ABHD1: variants seen among roughly 807,000 people sequenced by gnomAD.
ABHD1 encodes the protein protein ABHD1.
ABHD1 carries 47 observed loss-of-function variants against 41.4 expected under a neutral mutation model. The ratio of observed to expected loss-of-function variants is 1.13; its 90% CI spans 0.90 to 1.45. The LOEUF is 1.45. Ranked by LOEUF, ABHD1 falls within the 40% of genes most tolerant of loss-of-function variation. ABHD1 has a pLI of 0.00. For synonymous variants in ABHD1, 205 were observed against 203.7 expected, an observed-to-expected ratio of 1.01 and a Z score of -0.05; for missense variants, 550 against 503.4, an observed-to-expected ratio of 1.09 and a Z score of -0.89.
At chr2:27,128,277 AC>A in intron 1 of ABHD1, 163 bp from the exon 2 acceptor site, 3 of 807,590 alleles carry the variant, frequency 3.7e-6, no homozygotes, top group South Asian at 1.5e-5. Flanking sequence ...GTATTATCAG[AC>A]TTGGCCATTC....
Position 27,130,765 on chromosome 2 carries a change from T to G in ABHD1, c.*21T>G, listed in dbSNP as rs1479512323. The G allele has an allele frequency of 1.1e-5, 18 of 1,605,638 alleles. No individual in the cohort carries two copies. Among genetic ancestry groups the G allele is most frequent in the Non-Finnish European group, 1.5e-5 (18 of 1,172,504 alleles). Reference sequence around the variant, plus strand: ...GCTGACAAGAGTACCATTTGGGGTCTCAGTTCACTCTTTCCTTGTTTATTA... The same window carrying G: ...GCTGACAAGAGTACCATTTGGGGTCGCAGTTCACTCTTTCCTTGTTTATTA... On this transcript the variant is annotated 3_prime_UTR_variant, in exon 9 of 9. Coordinates refer to ENST00000316470, the MANE Select transcript of ABHD1 (RefSeq NM_032604.4).
At position 27,129,851 on chromosome 2, in the gene ABHD1, C is replaced by G. The variant is rs751757700; in HGVS notation, c.715C>G (p.Arg239Gly). 20 of 1,614,056 alleles carry G rather than the reference C, an allele frequency of 1.2e-5. No individual in the cohort carries two copies. The highest frequency in any genetic ancestry group is 1.6e-5 in the Non-Finnish European group (19 of 1,180,052). ...ATGCTGGGATTCCTTTGAGACCACT[C>G]GCTCCCTGGAAACCCCACTCAACTC... ...SACWDSFETT[R>G]SLETPLNSLL... The change falls in exon 6 of 9, where the codon CGC becomes GGC. Residue 239 changes from arginine to glycine, a missense_variant. Transcript: ENST00000316470.
chr2:27,126,351 A>T (rs1558472605), intron 1 of ABHD1: 1 of 152,260 alleles, frequency 6.6e-6, no homozygotes, highest in South Asian at 2.1e-4. Flanking sequence ...GTGCCTTCAC[A>T]CGACTGACAG....
chr2:27,128,324 A>C (rs1028388963), intron 1 of ABHD1, 117 bp from the exon 2 acceptor site: 1 of 1,254,888 alleles, frequency 8.0e-7, no homozygotes, highest in Non-Finnish European at 1.2e-6. Flanking sequence ...ATGCAGACAA[A>C]GCAGGGTCCT....
In ABHD1 at chr2:27,130,287, T is replaced by C; in HGVS notation, c.877T>C (p.Ser293Pro). The change falls in exon 8 of 9, where the codon TCT (serine) becomes CCT (proline). Residue 293 changes from serine to proline, a missense_variant. By Grantham distance (74) the Ser-to-Pro change is moderately conservative (BLOSUM62 -1). Transcript: ENST00000316470. ...TIRQFDERYT[S>P]VAFGYQDCVT... ...CCGCCAGTTTGATGAGCGCTACACATCTGTGGCCTTTGGATATCAAGACTG... is the reference window on the plus strand; with the variant it reads ...CCGCCAGTTTGATGAGCGCTACACACCTGTGGCCTTTGGATATCAAGACTG... 6.2e-7 allele frequency: 1 copy of C among 1,614,114 alleles called. No individual in the cohort carries two copies. The highest frequency in any genetic ancestry group is 1.1e-5 in the South Asian group (1 of 91,084).
intron 6 of ABHD1, 60 bp from the exon 7 acceptor site, chr2:27,130,045 G>A: frequency 1.2e-6 from 2 of 1,612,174 alleles, no homozygotes; most frequent in Non-Finnish European, 1.7e-6. Flanking sequence ...TAGTAAGACA[G>A]GGCCTGGGGG....
intron 8 of ABHD1, 50 bp from the exon 9 acceptor site, chr2:27,130,483 C>A (rs775309942): frequency 2.5e-6 from 4 of 1,611,474 alleles, no homozygotes; most frequent in Middle Eastern, 3.3e-4. Flanking sequence ...CAACAGACAG[C>A]CTGGGCTCCC....
chr2:27,128,070 T>C (rs887930829), intron 1 of ABHD1, among the ~76,000 whole-genome samples: 4 of 152,108 alleles, frequency 2.6e-5, no homozygotes, highest in African/African-American at 9.7e-5. Flanking sequence ...CACCTCAGCC[T>C]CCCAAGTGGC....
In ABHD1 at chr2:27,129,741, T is replaced by C. The variant is rs752592315; in HGVS notation, c.618-13T>C. The C allele has an allele frequency of 4.3e-6, 7 of 1,613,602 alleles. No individual in the cohort carries two copies. Among genetic ancestry groups the C allele is most frequent in the African/African-American group, 2.7e-5 (2 of 74,940 alleles). ...CAAACCCTTCTTTCATGGTCCCTTG[T>C]CCAATTCCACAGGATACTGGTGCTG... On this transcript the variant is annotated splice_polypyrimidine_tract_variant and intron_variant, in intron 5 of 8. Coordinates refer to ENST00000316470, the MANE Select transcript of ABHD1 (RefSeq NM_032604.4).
In ABHD1 at chr2:27,129,621, T is replaced by C. The variant is rs754791288; in HGVS notation, c.612T>C (p.Phe204=). ...QAPLLAVGIS[F]GGILVLNHLA... is the part of the protein sequence containing the mutation. ...CACTGCTGGCCGTGGGCATCTCTTT[T>C]GGAGGGTAAAGATTGCCTGGGCTTA... Residue 204 remains phenylalanine (F), a synonymous_variant, in exon 5 of 9, where the codon TTT becomes TTC. Coordinates refer to ENST00000316470, the MANE Select transcript of ABHD1 (RefSeq NM_032604.4). 5.0e-6 allele frequency: 8 copies of C among 1,612,668 alleles called. No homozygotes were observed. The African/African-American group carries it at 1.1e-4, about 22-fold the overall frequency.
chr2:27,130,656 T>G lies in ABHD1; in HGVS notation c.1130T>G (p.Leu377Trp). ...PWQHWYMSRLLHQYAKAIFQD... is the reference protein window; with the variant it reads ...PWQHWYMSRLWHQYAKAIFQD... ...CAGCACTGGTACATGAGCCGCCTCT[T>G]GCATCAGTACGCCAAAGCCATCTTC... Residue 377 changes from leucine to tryptophan, a missense_variant, in exon 9 of 9, where the codon TTG becomes TGG. Transcript: ENST00000316470. 1 of 1,614,218 alleles carries G rather than the reference T, an allele frequency of 6.2e-7. No individual in the cohort carries two copies. Among genetic ancestry groups the G allele is most frequent in the Non-Finnish European group, 8.5e-7 (1 of 1,180,026 alleles).
At chr2:27,125,229 G>A (rs1239926025) in intron 1 of ABHD1, 1 of 152,104 alleles carries the variant, frequency 6.6e-6, no homozygotes, top group African/African-American at 2.4e-5. Flanking sequence ...ATCAGATTTG[G>A]AAGGTCACTT....
Position 27,128,948 on chromosome 2 carries a change from C to T in ABHD1, c.279C>T (p.Asp93=), listed in dbSNP as rs1351806263. Residue 93 remains aspartate, a synonymous_variant, in exon 3 of 9, where the codon GAC becomes GAT. Coordinates refer to ENST00000316470, the MANE Select transcript of ABHD1 (RefSeq NM_032604.4). ...QSQPLVLYQS[D]ILQTPDGGQL... ...GTGCCTCTTCCTCCAAAACCAGTGA[C>T]ATCCTCCAAACACCAGATGGAGGCC... 6.2e-7 allele frequency: 1 copy of T among 1,612,214 alleles called. No homozygotes were observed. The highest frequency in any genetic ancestry group is 1.7e-5 in the Admixed American group (1 of 59,442).
Position 27,129,614 on chromosome 2 carries a change from T to A in ABHD1, c.605T>A (p.Ile202Asn), listed in dbSNP as rs762369470. 3 of 1,613,064 alleles carry A rather than the reference T, an allele frequency of 1.9e-6. No individual in the cohort carries two copies. Among genetic ancestry groups the A allele is most frequent in the African/African-American group, 2.7e-5 (2 of 75,058 alleles). The change falls in exon 5 of 9, where the codon ATC becomes AAC. Residue 202 changes from isoleucine to asparagine, a missense_variant. Transcript: ENST00000316470. ...CAAGCTCCACTGCTGGCCGTGGGCA[T>A]CTCTTTTGGAGGGTAAAGATTGCCT... ...YPQAPLLAVGISFGGILVLNH... is the reference protein window; with the variant it reads ...YPQAPLLAVGNSFGGILVLNH...
At position 27,129,092 on chromosome 2, in the gene ABHD1, G is replaced by C. The variant is rs980377771; in HGVS notation, c.423G>C (p.Leu141Phe). ...GCAGTAGCCAGGAGACATACGTCTT[G>C]CACCTAGTTAACCAAGCTCTGAGGG... ...ITGSSQETYV[L>F]HLVNQALRDG... The change falls in exon 3 of 9, where the codon TTG (leucine) becomes TTC (phenylalanine). Residue 141 changes from leucine (L) to phenylalanine (F), a missense_variant. Coordinates refer to ENST00000316470, the MANE Select transcript of ABHD1 (RefSeq NM_032604.4). The C allele has an allele frequency of 3.1e-6, 5 of 1,613,636 alleles. No homozygotes were observed. Among genetic ancestry groups the C allele is most frequent in the Admixed American group, 1.7e-5 (1 of 60,006 alleles).
Position 27,129,621 on chromosome 2 carries a change from T to A in ABHD1, c.612T>A (p.Phe204Leu). The change falls in exon 5 of 9, where the codon TTT (phenylalanine) becomes TTA (leucine). Residue 204 changes from phenylalanine (F) to leucine (L), a missense_variant. Physicochemically the swap from Phe to Leu is conservative, Grantham distance 22. Coordinates refer to ENST00000316470, the MANE Select transcript of ABHD1 (RefSeq NM_032604.4). ...CACTGCTGGCCGTGGGCATCTCTTT[T>A]GGAGGGTAAAGATTGCCTGGGCTTA... ...QAPLLAVGIS[F>L]GGILVLNHLA... 3 of 1,612,786 alleles carry A rather than the reference T, an allele frequency of 1.9e-6. No individual in the cohort carries two copies. Among genetic ancestry groups the A allele is most frequent in the Non-Finnish European group, 2.5e-6 (3 of 1,180,020 alleles).
rs1572919400 is a variant in ABHD1, at chr2:27,128,467, G to GT, written c.144dup (p.Leu49SerfsTer23). ...GGCCTCGGCTGGTGGCTGGGCCGCA[G>GT]TTTCTGGCCTTCCTGGAGCCACACT... is the stretch of plus-strand genomic sequence containing the variant. On this transcript the variant is annotated frameshift_variant, in exon 2 of 9. Coordinates refer to ENST00000316470, the MANE Select transcript of ABHD1 (RefSeq NM_032604.4). LOFTEE classifies it high-confidence loss of function. The GT allele has an allele frequency of 2.5e-6, 4 of 1,614,130 alleles. No individual in the cohort carries two copies. The East Asian group carries it at 8.9e-5, about 36-fold the overall frequency.
In ABHD1 at chr2:27,129,526, T is replaced by C; in HGVS notation, c.517T>C (p.Phe173Leu). Residue 173 changes from phenylalanine to leucine, a missense_variant, in exon 5 of 9, where the codon TTT becomes CTT. Transcript: ENST00000316470. ...RGEELRTHRA[F>L]CASNTEDLET... Reference sequence around the variant, plus strand: ...GGTTTGCCCTCAGACCCACAGGGCTTTTTGTGCCAGCAATACTGAAGATCT... The same window carrying C: ...GGTTTGCCCTCAGACCCACAGGGCTCTTTGTGCCAGCAATACTGAAGATCT... 1 of 1,614,160 alleles carries C rather than the reference T, an allele frequency of 6.2e-7. No homozygotes were observed. Among genetic ancestry groups the C allele is most frequent in the Non-Finnish European group, 8.5e-7 (1 of 1,180,042 alleles).
chr2:27,129,343 C>A lies in ABHD1; in HGVS notation c.486C>A (p.Cys162Ter). Residue 162 changes from cysteine to a stop codon, truncating the protein, a stop_gained, in exon 4 of 9, where the codon TGC becomes TGA. Coordinates refer to ENST00000316470, the MANE Select transcript of ABHD1 (RefSeq NM_032604.4). LOFTEE classifies it high-confidence loss of function. ...YQAVVFNNRG[C>*]RGEELRTHRA... is the part of the protein sequence containing the mutation. ...CTGTCGTGTTTAACAACCGGGGCTGCCGTGGGGAGGAACTGCGGGTGAGTA... is the reference window on the plus strand; with the variant it reads ...CTGTCGTGTTTAACAACCGGGGCTGACGTGGGGAGGAACTGCGGGTGAGTA... 1 of 1,614,160 alleles carries A rather than the reference C, an allele frequency of 6.2e-7. No homozygotes were observed. Among genetic ancestry groups the A allele is most frequent in the South Asian group, 1.1e-5 (1 of 91,076 alleles).
Sources: gnomAD v4.1 joint callset for allele counts (sites outside exome capture counted in the v4.1 genomes callset) on GRCh38, gnomAD v4.1.1 for gene constraint, MANE v1.5 for transcripts, NCBI Gene and HGNC (gene_info 2026-07-23, HGNC 2026-07-21) for gene names.